NTNG1: variants seen among roughly 807,000 people sequenced by gnomAD.
NTNG1 encodes netrin G1, also known as netrin-G1.
A neutral mutation model predicts 54.0 loss-of-function variants in NTNG1; 16 were observed. That is an observed-to-expected ratio of 0.30 (90% CI 0.20 to 0.45). The LOEUF (loss-of-function observed/expected upper bound fraction) is 0.45, where lower values mean the gene tolerates loss of function less well. Ranked by LOEUF, NTNG1 falls within the 20% of genes least tolerant of loss-of-function variation. The pLI is 1.00. For synonymous variants in NTNG1, 255 were observed against 263.1 expected, an observed-to-expected ratio of 0.97 and a Z score of 0.30; for missense variants, 530 against 678.7, an observed-to-expected ratio of 0.78 and a Z score of 2.43.
intron 3 of NTNG1, among the ~76,000 whole-genome samples, chr1:107,361,368 T>TATATATAC (rs1452947606): frequency 2.0e-5 from 1 of 49,886 alleles, no homozygotes; most frequent in East Asian, 5.1e-4. Context: ...AACATATATA[T>TATATATAC]ATATACATAT....
At chr1:107,410,671 A>G (rs1172670800) in intron 5 of NTNG1, 2 of 152,212 alleles carry the variant, frequency 1.3e-5, no homozygotes, top group African/African-American at 2.4e-5. Flanking sequence ...TTATGCACTT[A>G]TAAGTAAAAT....
chr1:107,383,524 C>T, intron 3 of NTNG1, among the ~76,000 whole-genome samples: 1 of 152,142 alleles, frequency 6.6e-6, no homozygotes, highest in East Asian at 1.9e-4. Context: ...TTACCATAAA[C>T]CACAGAATGG....
intron 2 of NTNG1, among the ~76,000 whole-genome samples, chr1:107,237,929 C>T (rs1194252907): frequency 6.6e-6 from 1 of 152,130 alleles, no homozygotes; most frequent in African/African-American, 2.4e-5. Context: ...GGGTTCGGAT[C>T]CCCCACAGAG....
intron 6 of NTNG1, among the ~76,000 whole-genome samples, chr1:107,431,831 T>C (rs1049282402): frequency 2.0e-5 from 3 of 152,210 alleles, no homozygotes; most frequent in Admixed American, 6.5e-5. Flanking sequence ...CACCCAGTTT[T>C]AAAGGTAGAC....
chr1:107,244,685 G>A (rs1662071397), intron 2 of NTNG1, among the ~76,000 whole-genome samples: 1 of 152,008 alleles, frequency 6.6e-6, no homozygotes, highest in African/African-American at 2.4e-5. Flanking sequence ...CCAGCTCAAG[G>A]TGTTCTCTCC....
intron 2 of NTNG1, among the ~76,000 whole-genome samples, chr1:107,274,717 G>A (rs919600629): frequency 1.3e-5 from 2 of 152,206 alleles, no homozygotes; most frequent in African/African-American, 4.8e-5. Context: ...AGACAAGTTA[G>A]CTCCCACTAC....
intron 2 of NTNG1, among the ~76,000 whole-genome samples, chr1:107,287,540 G>A (rs1035005879): frequency 2.0e-5 from 3 of 152,288 alleles, no homozygotes; most frequent in Non-Finnish European, 4.4e-5. Context: ...TCGAGCCCAG[G>A]AGTTTGAGGC....
intron 2 of NTNG1, among the ~76,000 whole-genome samples, chr1:107,193,473 GA>G (rs1213384353): frequency 1.3e-5 from 2 of 151,978 alleles, no homozygotes; most frequent in Non-Finnish European, 2.9e-5. Flanking sequence ...TCTCTGGCCA[GA>G]AACCCCCTTT....
intron 5 of NTNG1, chr1:107,418,642 C>T: frequency 6.3e-7 from 1 of 1,592,606 alleles, no homozygotes; most frequent in Middle Eastern, 1.7e-4. Context: ...TAACCCAAAA[C>T]AAGGTAGGAG....
chr1:107,215,644 ATTTTGAGATTTGTTTTCTAGT>A (rs1214106681), intron 2 of NTNG1, among the ~76,000 whole-genome samples: 3 of 151,898 alleles, frequency 2.0e-5, no homozygotes, highest in Non-Finnish European at 1.5e-5. Flanking sequence ...TTCCATATGA[ATTTTGAGATTTGTTTTCTAGT>A]TCTGTGAAGA....
chr1:107,140,698 T>C (rs1452767275), upstream of NTNG1: 1 of 136,224 alleles, frequency 7.3e-6, no homozygotes, highest in African/African-American at 2.8e-5. Context: ...CCAAGCGGCA[T>C]AGAACCGCCT....
At chr1:107,403,825 A>G (rs1481862190) in intron 4 of NTNG1, among the ~76,000 whole-genome samples, 2 of 152,120 alleles carry the variant, frequency 1.3e-5, no homozygotes, top group Non-Finnish European at 2.9e-5. Context: ...ATGGACTTGG[A>G]CAAGGCACTT....
chr1:107,322,760 T>G (rs571916916), intron 2 of NTNG1, among the ~76,000 whole-genome samples: 1 of 152,226 alleles, frequency 6.6e-6, no homozygotes, highest in South Asian at 2.1e-4. Context: ...TACAGAAACA[T>G]TTTCATTATC....
intron 2 of NTNG1, among the ~76,000 whole-genome samples, chr1:107,319,660 T>C (rs1294113320): frequency 2.0e-5 from 3 of 152,114 alleles, no homozygotes; most frequent in African/African-American, 7.2e-5. Context: ...ATGATTCGTT[T>C]AAGTGTTAAC....
chr1:107,460,499 A>G (rs569398670), intron 7 of NTNG1: 55 of 488,900 alleles, frequency 1.1e-4, no homozygotes, highest in South Asian at 3.1e-4. Flanking sequence ...TATTTCCTCT[A>G]TGGCCCATGG....
At chr1:107,220,274 C>T (rs1660255072) in intron 2 of NTNG1, among the ~76,000 whole-genome samples, 1 of 152,204 alleles carries the variant, frequency 6.6e-6, no homozygotes, top group African/African-American at 2.4e-5. Flanking sequence ...GCCCCAGGCA[C>T]AGTTCCTTGG....
chr1:107,271,734 C>T (rs1458025167), intron 2 of NTNG1, among the ~76,000 whole-genome samples: 1 of 151,868 alleles, frequency 6.6e-6, no homozygotes, highest in Non-Finnish European at 1.5e-5. Context: ...GTTTCCCCAT[C>T]TTTAGGTGAA....
At chr1:107,358,923 T>A (rs1219392835) in intron 3 of NTNG1, among the ~76,000 whole-genome samples, 1 of 152,192 alleles carries the variant, frequency 6.6e-6, no homozygotes, top group African/African-American at 2.4e-5. Context: ...ACAGCTCCAC[T>A]GTAAATTAAT....
intron 2 of NTNG1, among the ~76,000 whole-genome samples, chr1:107,227,158 T>A (rs1331449125): frequency 6.6e-6 from 1 of 152,090 alleles, no homozygotes; most frequent in Non-Finnish European, 1.5e-5. Context: ...TTAATCTCTG[T>A]TTGCCTACGT....
Sources: gnomAD v4.1 joint callset for allele counts (sites outside exome capture counted in the v4.1 genomes callset) on GRCh38, gnomAD v4.1.1 for gene constraint, MANE v1.5 for transcripts, NCBI Gene and HGNC (gene_info 2026-07-23, HGNC 2026-07-21) for gene names.